FGD1: variants seen among roughly 807,000 people sequenced by gnomAD.
The protein encoded by FGD1 is FYVE, RhoGEF and PH domain-containing protein 1.
FGD1 carries 12 observed loss-of-function variants against 65.0 expected under a neutral mutation model. The ratio of observed to expected loss-of-function variants is 0.18; its 90% confidence interval spans 0.12 to 0.30. FGD1 has a LOEUF of 0.30. Among genes scored for constraint, FGD1 ranks in the 10% least tolerant of loss-of-function variants. The pLI, the probability that FGD1 is intolerant of heterozygous loss-of-function variation, is 1.00. For synonymous variants in FGD1, 333 were observed against 343.9 expected (o/e 0.97, Z 0.35); for missense variants, 542 against 837.6 (o/e 0.65, Z 4.36).
At position 54,470,722 on chromosome X, in the gene FGD1, G is replaced by GGGGGGGTGGGCCCCCTGGGGGGGGGC; in HGVS notation, c.519_520insGCCCCCCCCCAGGGGGCCCACCCCCC (p.Pro174AlafsTer50). 1.9e-6 allele frequency: 1 copy of GGGGGGGTGGGCCCCCTGGGGGGGGGC among 538,258 alleles called. No individual in the cohort carries two copies. Among genetic ancestry groups the GGGGGGGTGGGCCCCCTGGGGGGGGGC allele is most frequent in the Non-Finnish European group, 2.8e-6 (1 of 356,051 alleles). The allele number at this position is 538,258 out of a possible 1,213,427, so 44.4% of individuals were successfully genotyped here. On this transcript the variant is annotated frameshift_variant, in exon 3 of 18. Coordinates refer to ENST00000375135, the MANE Select transcript of FGD1 (RefSeq NM_004463.3). LOFTEE classifies it high-confidence loss of function. ...GGGGGGATGGGCTCCAGTGGGGGGGGCATCCGGGGCATCTGCAGGTAGCTG... is the reference window on the plus strand; with the variant it reads ...GGGGGGATGGGCTCCAGTGGGGGGGGGGGGGGTGGGCCCCCTGGGGGGGGGCCATCCGGGGCATCTGCAGGTAGCTG...
At chrX:54,486,215 T>C (rs1280684259) in intron 1 of FGD1, among the ~76,000 whole-genome samples, 2 of 110,331 alleles carry the variant, frequency 1.8e-5, no homozygotes, top group Non-Finnish European at 3.8e-5. Flanking sequence ...GCCTCCTGAG[T>C]AGCTGGGATT....
rs372295200 is a variant in FGD1, at chrX:54,467,028, T to C, written c.1340+756A>G. ...CCTCCCAGAGTGCTGGGATTACAGG[T>C]GTGAGCCACCATGCCTGGCCTATAC... On this transcript the variant is annotated intron_variant, in intron 6 of 17. Coordinates refer to ENST00000375135, the MANE Select transcript of FGD1 (RefSeq NM_004463.3). Among the ~76,000 whole-genome samples, 21 of 111,317 alleles carry C rather than the reference T, an allele frequency of 1.9e-4. No individual in the cohort carries two copies. The East Asian group carries it at 4.0e-3, about 21-fold the overall frequency.
intron 1 of FGD1, among the ~76,000 whole-genome samples, chrX:54,490,624 C>A (rs918648091): frequency 6.3e-5 from 7 of 111,296 alleles, no homozygotes; most frequent in African/African-American, 2.3e-4. Flanking sequence ...CCACAAATGC[C>A]TGCTGGCCAT....
At chrX:54,473,234 T>C (rs1301324222) in intron 1 of FGD1, among the ~76,000 whole-genome samples, 1 of 111,910 alleles carries the variant, frequency 8.9e-6, no homozygotes, top group East Asian at 2.8e-4. Flanking sequence ...ATATACCCAG[T>C]TAGACATTCT....
chrX:54,489,111 C>T (rs976470254), intron 1 of FGD1, among the ~76,000 whole-genome samples: 10 of 112,176 alleles, frequency 8.9e-5, no homozygotes, highest in African/African-American at 3.2e-4. Flanking sequence ...AGTAAACAAC[C>T]TACAGAATGG....
At chrX:54,471,591 G>A in intron 1 of FGD1, 104 bp from the exon 2 acceptor site, 1 of 791,271 alleles carries the variant, frequency 1.3e-6, no homozygotes, top group Non-Finnish European at 1.8e-6. Flanking sequence ...TGGGGTATTG[G>A]GTTTCTCTGA....
At chrX:54,474,652 C>T (rs758590940) in intron 1 of FGD1, among the ~76,000 whole-genome samples, 29 of 113,063 alleles carry the variant, frequency 2.6e-4, no homozygotes, top group Middle Eastern at 4.7e-3. Flanking sequence ...CACATCCTGG[C>T]CTGGTCTTGC....
At chrX:54,446,572 A>G (rs1262323435) in intron 17 of FGD1, among the ~76,000 whole-genome samples, 158 bp from the exon 18 acceptor site, 2 of 111,278 alleles carry the variant, frequency 1.8e-5, no homozygotes, top group African/African-American at 3.3e-5. Flanking sequence ...CAACAGGAAC[A>G]TGTCAGAACT....
chrX:54,478,350 C>T (rs760803635), intron 1 of FGD1, among the ~76,000 whole-genome samples: 69 of 110,504 alleles, frequency 6.2e-4, no homozygotes, highest in African/African-American at 2.1e-3. Context: ...TGAATGCTCA[C>T]GACAGTGCCA....
At chrX:54,475,841 T>C (rs1220369632) in intron 1 of FGD1, among the ~76,000 whole-genome samples, 1 of 111,517 alleles carries the variant, frequency 9.0e-6, no homozygotes, top group African/African-American at 3.3e-5. Context: ...CTGAGGTGGG[T>C]GGATCACCTG....
chrX:54,494,078 T>C (rs1418065575), intron 1 of FGD1, among the ~76,000 whole-genome samples: 1 of 112,790 alleles, frequency 8.9e-6, no homozygotes, highest in Non-Finnish European at 1.9e-5. Context: ...CTCAGGTCTG[T>C]GTAGCACAAA....
intron 1 of FGD1, among the ~76,000 whole-genome samples, chrX:54,490,072 T>A (rs752760599): frequency 1.7e-4 from 19 of 112,088 alleles, no homozygotes; most frequent in African/African-American, 6.2e-4. Context: ...CTTAGCAAAC[T>A]AAGGCAGGAA....
intron 14 of FGD1, 61 bp from the exon 15 acceptor site, chrX:54,449,329 C>G (rs1305059844): frequency 1.7e-6 from 2 of 1,185,527 alleles, no homozygotes; most frequent in East Asian, 6.0e-5. Context: ...TCCAGCCAGC[C>G]CTTGTTCCTG....
chrX:54,448,885 T>C lies in FGD1; in HGVS notation c.2357A>G (p.Tyr786Cys). Residue 786 changes from tyrosine to cysteine, a missense_variant, in exon 16 of 18, where the codon TAT becomes TGT. Transcript: ENST00000375135. ...CCCAGGCACCCCGTGCAAGGCCACA[T>C]AGCAATCAGTGCACACACGGTTGGA... ...NRSNRVCTDC[Y>C]VALHGVPGSS... is the part of the protein sequence containing the mutation. The C allele has an allele frequency of 8.3e-7, 1 of 1,211,587 alleles. No homozygotes were observed.
At chrX:54,464,721 A>G (rs1045646127) in intron 8 of FGD1, among the ~76,000 whole-genome samples, 2 of 111,075 alleles carry the variant, frequency 1.8e-5, no homozygotes, top group African/African-American at 6.6e-5. Context: ...TAGTGGTTCA[A>G]TGTGTAAGGA....
At chrX:54,465,935 G>A (rs1459380376) in intron 6 of FGD1, 83 bp from the exon 7 acceptor site, 1 of 1,062,463 alleles carries the variant, frequency 9.4e-7, no homozygotes, top group Non-Finnish European at 1.3e-6. Context: ...GCCCCAGGCA[G>A]ATACCTTTCA....
Position 54,447,468 on chromosome X carries a change from C to A in FGD1, c.2437-14G>T. The stretch of plus-strand genomic sequence containing the variant: ...TGAGGCCTGTTTCTGTGGCCAGAGA[C>A]ACCGGGCATCAATGTTGACAGAAGG... On this transcript the variant is annotated splice_polypyrimidine_tract_variant and intron_variant, in intron 16 of 17. Transcript: ENST00000375135. 1 of 1,206,557 alleles carries A rather than the reference C, an allele frequency of 8.3e-7. No individual in the cohort carries two copies.
chrX:54,478,830 C>A (rs1319572192), intron 1 of FGD1, among the ~76,000 whole-genome samples: 1 of 110,430 alleles, frequency 9.1e-6, no homozygotes, highest in African/African-American at 3.3e-5. Flanking sequence ...GGCTGCAACC[C>A]AACGTAAAAC....
intron 1 of FGD1, among the ~76,000 whole-genome samples, chrX:54,477,765 G>A (rs1372789079): frequency 1.8e-5 from 2 of 111,461 alleles, no homozygotes; most frequent in African/African-American, 6.5e-5. Flanking sequence ...AACAAGGAAT[G>A]TTTTAGTATA....
Sources: allele counts gnomAD v4.1 joint callset (sites outside exome capture counted in the v4.1 genomes callset), GRCh38; gene constraint gnomAD v4.1.1; transcripts MANE v1.5; gene names NCBI Gene and HGNC (gene_info 2026-07-23, HGNC 2026-07-21).